The following EXOC6 variants were observed in gnomAD, a reference collection of about 807,000 sequenced individuals.
EXOC6 encodes the protein exocyst complex component 6.
Under a neutral mutation model 112.5 loss-of-function variants are expected in EXOC6, and 60 were observed. The ratio of observed to expected loss-of-function variants is 0.53; its 90% CI spans 0.43 to 0.66. EXOC6 has a LOEUF of 0.66. Among genes scored for constraint, EXOC6 ranks in the 30% least tolerant of loss-of-function variants. EXOC6 has a pLI of 0.00. For synonymous variants in EXOC6, 295 were observed against 308.0 expected (o/e 0.96, Z 0.44); for missense variants, 855 against 957.1 (o/e 0.89, Z 1.41).
At chr10:92,910,216 A>G (rs1470217505) in intron 6 of EXOC6, among the ~76,000 whole-genome samples, 1 of 152,230 alleles carries the variant, frequency 6.6e-6, no homozygotes, top group African/African-American at 2.4e-5. Flanking sequence ...CAAACTGGAA[A>G]CAACCCAAAT....
In EXOC6 at chr10:92,934,178, C is replaced by G; in HGVS notation, c.1007C>G (p.Thr336Ser). ...ETVDGYRRYF[T>S]QIVGFFVVED... is the part of the protein sequence containing the mutation. ...GTTGATGGCTATAGAAGATATTTCACTCAAATTGTAGGGTATGTATCTAAT... is the reference window on the plus strand; with the variant it reads ...GTTGATGGCTATAGAAGATATTTCAGTCAAATTGTAGGGTATGTATCTAAT... Residue 336 changes from threonine (T) to serine (S), a missense_variant, in exon 10 of 22, where the codon ACT (threonine) becomes AGT (serine). Around this residue, in one of 2 missense-constraint regions of EXOC6, gnomAD observed 450 missense variants for 563.5 expected, o/e 0.80. Transcript: ENST00000260762. The G allele has an allele frequency of 6.4e-7, 1 of 1,550,796 alleles. No homozygotes were observed. Among genetic ancestry groups the G allele is most frequent in the Non-Finnish European group, 8.8e-7 (1 of 1,133,714 alleles).
At chr10:92,833,776 G>A (rs1846566416), upstream of EXOC6, among the ~76,000 whole-genome samples, 1 of 152,226 alleles carries the variant, frequency 6.6e-6, no homozygotes, top group Non-Finnish European at 1.5e-5. Context: ...CAAGAAAGCT[G>A]AGGCTAAACT....
chr10:92,893,591 T>A, intron 2 of EXOC6, 71 bp downstream of exon 2: 1 of 1,245,054 alleles, frequency 8.0e-7, no homozygotes, highest in Non-Finnish European at 1.1e-6. Flanking sequence ...ATAGTACATA[T>A]GTACAAGTCA....
chr10:92,918,484 GGC>G (rs1851244227), intron 7 of EXOC6, among the ~76,000 whole-genome samples: 1 of 150,740 alleles, frequency 6.6e-6, no homozygotes. Context: ...GCATAATCAT[GGC>G]TTACTGTAAC....
chr10:92,863,108 G>C (rs1804420326), intron 1 of EXOC6, among the ~76,000 whole-genome samples: 1 of 152,176 alleles, frequency 6.6e-6, no homozygotes, highest in African/African-American at 2.4e-5. Flanking sequence ...TAATTAATCA[G>C]TGTAACCAAT....
intron 20 of EXOC6, among the ~76,000 whole-genome samples, chr10:93,046,453 G>A (rs754935141): frequency 1.3e-5 from 2 of 152,176 alleles, no homozygotes; most frequent in Non-Finnish European, 2.9e-5. Context: ...ACCCAACCAA[G>A]GTGGTCTGGA....
intron 6 of EXOC6, among the ~76,000 whole-genome samples, chr10:92,910,884 G>A (rs897993255): frequency 1.3e-5 from 1 of 77,852 alleles, no homozygotes; most frequent in African/African-American, 5.1e-5. Flanking sequence ...AGCCAAGATC[G>A]CGCCACTGCA....
chr10:92,970,244 GAAA>G (rs1013242158), intron 17 of EXOC6, among the ~76,000 whole-genome samples: 1 of 152,098 alleles, frequency 6.6e-6, no homozygotes, highest in African/African-American at 2.4e-5. Flanking sequence ...ATATTTGGAA[GAAA>G]AAATGCGTGG....
chr10:93,056,886 A>G, intron 20 of EXOC6, 38 bp from the exon 21 acceptor site: 1 of 1,197,050 alleles, frequency 8.4e-7, no homozygotes, highest in South Asian at 1.3e-5. Context: ...TGGGTAAATA[A>G]TCAAAAGTTG....
intron 19 of EXOC6, among the ~76,000 whole-genome samples, chr10:93,004,965 ATTGAAGAGTGTGGGGCT>A (rs150976141): frequency 0.044 from 6,661 of 152,288 alleles, 357 homozygotes; most frequent in African/African-American, 0.12. Flanking sequence ...ATGTTAAGAC[ATTGAAGAGTGTGGGGCT>A]TTGAAGTCAT....
chr10:92,891,405 A>AT (rs1455257010), intron 1 of EXOC6, among the ~76,000 whole-genome samples: 1 of 152,202 alleles, frequency 6.6e-6, no homozygotes, highest in Non-Finnish European at 1.5e-5. Context: ...CAGAACCTAC[A>AT]TTTTTTAAAA....
intron 18 of EXOC6, among the ~76,000 whole-genome samples, chr10:92,979,720 A>G (rs1842760615): frequency 6.6e-6 from 1 of 152,032 alleles, no homozygotes. Context: ...GCTTGAGCCC[A>G]GGAGTTGGAG....
chr10:92,844,387 G>A (rs1412422154), upstream of EXOC6, among the ~76,000 whole-genome samples: 7 of 152,134 alleles, frequency 4.6e-5, no homozygotes, highest in Non-Finnish European at 1.0e-4. Context: ...TTCCAAGGAT[G>A]AGTGAGCACT....
chr10:92,994,707 G>A (rs835237), intron 18 of EXOC6, among the ~76,000 whole-genome samples: 1,620 of 151,868 alleles, frequency 0.011, 34 homozygotes, highest in African/African-American at 0.037. Flanking sequence ...TTAAAAGATC[G>A]TTGTAAAAGT....
intron 2 of EXOC6, 30 bp downstream of exon 2, chr10:92,893,550 T>C (rs755910097): frequency 2.6e-6 from 4 of 1,558,040 alleles, no homozygotes; most frequent in Non-Finnish European, 3.5e-6. Flanking sequence ...TATTTGCCTT[T>C]GTTCTCATTA....
At chr10:92,895,163 A>G (rs544456598) in intron 4 of EXOC6, 143 bp downstream of exon 4, 41 of 628,826 alleles carry the variant, frequency 6.5e-5, no homozygotes, top group Non-Finnish European at 9.9e-5. Context: ...TTTCAGGTTC[A>G]TTTTATTCCC....
chr10:92,987,653 A>G, intron 18 of EXOC6: 4 of 982,244 alleles, frequency 4.1e-6, no homozygotes, highest in Non-Finnish European at 4.8e-6. Flanking sequence ...GTAAGTAGAT[A>G]TAAACTAAAG....
In EXOC6 at chr10:92,952,271, A is replaced by T. The variant is rs1253545766; in HGVS notation, c.1417-2A>T. Reference sequence around the variant, plus strand: ...AACAATATTAACTTTCTTTTTCTACAGCAGTCTTTCCCAAAGAAATTCCCC... The same window carrying T: ...AACAATATTAACTTTCTTTTTCTACTGCAGTCTTTCCCAAAGAAATTCCCC... On this transcript the variant is annotated splice_acceptor_variant, in intron 14 of 21. Transcript: ENST00000260762. LOFTEE classifies it high-confidence loss of function. The T allele has an allele frequency of 6.4e-7, 1 of 1,565,122 alleles. No homozygotes were observed.
chr10:92,902,737 C>T (rs1850245140), intron 5 of EXOC6, among the ~76,000 whole-genome samples: 1 of 152,096 alleles, frequency 6.6e-6, no homozygotes, highest in Non-Finnish European at 1.5e-5. Flanking sequence ...CTTCCATTAC[C>T]CCCACAGTTT....
Sources: allele counts gnomAD v4.1 joint callset (sites outside exome capture counted in the v4.1 genomes callset), GRCh38; gene constraint gnomAD v4.1.1; regional missense constraint gnomAD v4.1.1; transcripts MANE v1.5; gene names NCBI Gene and HGNC (gene_info 2026-07-23, HGNC 2026-07-21).